The following RORB variants were observed in gnomAD, a reference collection of about 807,000 sequenced individuals.
RORB encodes nuclear receptor ROR-beta.
A neutral mutation model predicts 59.1 loss-of-function variants in RORB; 6 were observed. That is an observed-to-expected ratio of 0.10 (90% confidence interval 0.06 to 0.20). The LOEUF (loss-of-function observed/expected upper bound fraction) is 0.20. Among genes scored for constraint, RORB ranks in the 10% least tolerant of loss-of-function variants. The probability of loss-of-function intolerance (pLI) is 1.00; values close to 1 mark genes in which losing one functional copy is unlikely to be tolerated. For missense variants in RORB, 320 were observed against 560.5 expected, an observed-to-expected ratio of 0.57 and a Z score of 4.33; for synonymous variants, 215 against 204.5, an observed-to-expected ratio of 1.05 and a Z score of -0.44.
intron 8 of RORB, among the ~76,000 whole-genome samples, chr9:74,670,426 A>T (rs532912553): frequency 6.6e-6 from 1 of 152,324 alleles, no homozygotes; most frequent in East Asian, 1.9e-4. Context: ...GATCTATGAA[A>T]ATGATCACCT....
chr9:74,649,539 G>A (rs893893467), intron 4 of RORB, among the ~76,000 whole-genome samples: 6 of 152,134 alleles, frequency 3.9e-5, no homozygotes, highest in African/African-American at 1.4e-4. Context: ...GCCACGGACT[G>A]TACAGTTAAT....
At chr9:74,568,351 T>A (rs1460283666) in intron 1 of RORB, among the ~76,000 whole-genome samples, 1 of 151,980 alleles carries the variant, frequency 6.6e-6, no homozygotes, top group East Asian at 1.9e-4. Context: ...CCTAAAATGA[T>A]GAAAATTAGC....
At chr9:74,625,225 G>T (rs7862884) in intron 1 of RORB, among the ~76,000 whole-genome samples, 1,841 of 152,262 alleles carry the variant, frequency 0.012, 46 homozygotes, top group African/African-American at 0.043. Flanking sequence ...TCATTTAATT[G>T]CCAATGGGTG....
intron 1 of RORB, among the ~76,000 whole-genome samples, chr9:74,554,172 G>A (rs187170164): frequency 4.3e-4 from 65 of 152,258 alleles, no homozygotes; most frequent in African/African-American, 1.4e-3. Flanking sequence ...TTGCACAGGT[G>A]AGATAAATGA....
At chr9:74,630,529 G>T (rs1823598597) in intron 2 of RORB, among the ~76,000 whole-genome samples, 162 bp downstream of exon 2, 1 of 152,120 alleles carries the variant, frequency 6.6e-6, no homozygotes, top group South Asian at 2.1e-4. Context: ...TTGATTTTCT[G>T]GTCTTTTGCC....
At chr9:74,518,000 A>T (rs1431446126) in intron 1 of RORB, among the ~76,000 whole-genome samples, 1 of 152,024 alleles carries the variant, frequency 6.6e-6, no homozygotes, top group Admixed American at 6.6e-5. Flanking sequence ...ATTTGTCCAA[A>T]GTTACCCAGA....
chr9:74,519,646 C>T (rs1252636048), intron 1 of RORB, among the ~76,000 whole-genome samples: 3 of 151,962 alleles, frequency 2.0e-5, no homozygotes, highest in Admixed American at 1.3e-4. Context: ...GAGCTCCTCC[C>T]GCCAAACAAT....
chr9:74,601,674 G>C (rs191012208), intron 1 of RORB, among the ~76,000 whole-genome samples: 1 of 152,072 alleles, frequency 6.6e-6, no homozygotes, highest in African/African-American at 2.4e-5. Context: ...ACTTCCTACC[G>C]TGGGACATTG....
chr9:74,638,775 G>T (rs1181545898), intron 3 of RORB, among the ~76,000 whole-genome samples: 1 of 152,086 alleles, frequency 6.6e-6, no homozygotes, highest in Non-Finnish European at 1.5e-5. Flanking sequence ...CACTGTTATT[G>T]CAAGAAGAGG....
At chr9:74,570,517 T>G (rs1822535523) in intron 1 of RORB, among the ~76,000 whole-genome samples, 1 of 152,172 alleles carries the variant, frequency 6.6e-6, no homozygotes, top group Admixed American at 6.5e-5. Flanking sequence ...CGGCTTTACC[T>G]TCATGAAAAG....
At chr9:74,583,463 C>T (rs1413397887) in intron 1 of RORB, among the ~76,000 whole-genome samples, 2 of 151,826 alleles carry the variant, frequency 1.3e-5, no homozygotes, top group African/African-American at 4.8e-5. Flanking sequence ...ATTTGGGTTA[C>T]TAATTCTACA....
chr9:74,537,262 CT>C (rs1430621820), intron 1 of RORB, among the ~76,000 whole-genome samples: 1 of 152,062 alleles, frequency 6.6e-6, no homozygotes, highest in Non-Finnish European at 1.5e-5. Context: ...AGAATAAAGA[CT>C]GTGTATCCTC....
At chr9:74,544,783 C>T (rs975949783) in intron 1 of RORB, among the ~76,000 whole-genome samples, 3 of 152,164 alleles carry the variant, frequency 2.0e-5, no homozygotes, top group African/African-American at 7.2e-5. Flanking sequence ...CCAGCCAGCT[C>T]GATCAGCTGA....
chr9:74,563,422 G>A (rs1346953760), intron 1 of RORB, among the ~76,000 whole-genome samples: 1 of 152,110 alleles, frequency 6.6e-6, no homozygotes, highest in African/African-American at 2.4e-5. Flanking sequence ...CTGACCTTGT[G>A]ATCCACCTGC....
At chr9:74,683,131 T>C (rs1824574253) in intron 9 of RORB, among the ~76,000 whole-genome samples, 2 of 152,192 alleles carry the variant, frequency 1.3e-5, no homozygotes, top group Admixed American at 1.3e-4. Context: ...TGACAATAAT[T>C]ATAGAGTTGC....
At chr9:74,512,364 G>A (rs1232051313) in intron 1 of RORB, among the ~76,000 whole-genome samples, 1 of 152,190 alleles carries the variant, frequency 6.6e-6, no homozygotes, top group Non-Finnish European at 1.5e-5. Context: ...CCTACACTCT[G>A]TGGTAAATGA....
Position 74,631,909 on chromosome 9 carries a change from G to A in RORB, c.93+1542G>A, listed in dbSNP as rs115759718. ...AGTTATTACTTCCTCTAGGCAGATA[G>A]ACAAATAGTTTTCTTCATAAACAGT... On this transcript the variant is annotated intron_variant, in intron 2 of 9. Transcript: ENST00000376896. Among the ~76,000 whole-genome samples the A allele has an allele frequency of 6.2e-3, 942 of 152,242 alleles. 14 individuals are homozygous for A. Among genetic ancestry groups the A allele is most frequent in the African/African-American group, 0.022 (904 of 41,560 alleles).
At chr9:74,516,734 G>A (rs1826016187) in intron 1 of RORB, among the ~76,000 whole-genome samples, 1 of 152,026 alleles carries the variant, frequency 6.6e-6, no homozygotes, top group South Asian at 2.1e-4. Context: ...CTGTCTCATA[G>A]TAAGTGTCCT....
chr9:74,636,979 T>G (rs1043638298), intron 3 of RORB, among the ~76,000 whole-genome samples: 1 of 152,198 alleles, frequency 6.6e-6, no homozygotes, highest in African/African-American at 2.4e-5. Flanking sequence ...TTGCCTAGTA[T>G]GTAGTATTGA....
Sources: gnomAD v4.1 joint callset for allele counts (sites outside exome capture counted in the v4.1 genomes callset) on GRCh38, gnomAD v4.1.1 for gene constraint, MANE v1.5 for transcripts, NCBI Gene and HGNC (gene_info 2026-07-23, HGNC 2026-07-21) for gene names.